Variants in ZFAT observed in about 807,000 individuals in gnomAD.
ZFAT encodes zinc finger and AT-hook domain containing.
A neutral mutation model predicts 117.7 loss-of-function variants in ZFAT; 64 were observed. The observed-to-expected ratio is 0.54, with a 90% CI of 0.44 to 0.67. The LOEUF (loss-of-function observed/expected upper bound fraction) is 0.67. Among genes scored for constraint, ZFAT ranks in the 30% least tolerant of loss-of-function variants. The probability of loss-of-function intolerance (pLI) is 0.00; values close to 1 mark genes in which losing one functional copy is unlikely to be tolerated. For synonymous variants in ZFAT, 679 were observed against 615.0 expected, an observed-to-expected ratio of 1.10 and a Z score of -1.54; for missense variants, 1,433 against 1,584.5, an observed-to-expected ratio of 0.90 and a Z score of 1.62.
At chr8:134,723,075 A>T in the ZFAT span, 1 of 152,250 alleles carries the variant, frequency 6.6e-6, no homozygotes, top group Non-Finnish European at 1.5e-5. Flanking sequence ...AATGGTGAGG[A>T]CATAAATTCC....
intron 15 of ZFAT, among the ~76,000 whole-genome samples, chr8:134,505,416 A>G (rs542183654): frequency 6.6e-6 from 1 of 152,354 alleles, no homozygotes; most frequent in South Asian, 2.1e-4. Flanking sequence ...AAAGCTGTCC[A>G]TGTCCTCATC....
At chr8:134,654,912 G>A (rs1831498139) in intron 2 of ZFAT, among the ~76,000 whole-genome samples, 2 of 152,220 alleles carry the variant, frequency 1.3e-5, no homozygotes, top group South Asian at 4.1e-4. Context: ...AGACAGAACT[G>A]AAACAAGTCT....
intron 1 of ZFAT, among the ~76,000 whole-genome samples, chr8:134,672,533 G>T (rs1043342514): frequency 3.9e-5 from 6 of 152,030 alleles, no homozygotes; most frequent in Non-Finnish European, 7.3e-5. Flanking sequence ...TTGTGCACAT[G>T]TACCCTAGAA....
chr8:134,503,338 T>C (rs1182034738), intron 15 of ZFAT, among the ~76,000 whole-genome samples: 9 of 152,234 alleles, frequency 5.9e-5, no homozygotes, highest in Non-Finnish European at 1.3e-4. Context: ...TGGATGTGTT[T>C]TCTGGAAGCT....
At chr8:134,594,822 G>T (rs1376011888) in intron 7 of ZFAT, 1 of 152,180 alleles carries the variant, frequency 6.6e-6, no homozygotes. Context: ...CCCAAGCTCA[G>T]ACTGTAACTG....
At chr8:134,555,933 C>T (rs1017956447) in intron 11 of ZFAT, among the ~76,000 whole-genome samples, 2 of 139,720 alleles carry the variant, frequency 1.4e-5, no homozygotes, top group African/African-American at 5.2e-5. Context: ...AGCCCAGGAG[C>T]TCAAGCAAGA....
intron 1 of ZFAT, among the ~76,000 whole-genome samples, chr8:134,682,006 G>T (rs1563759036): frequency 6.6e-6 from 1 of 152,094 alleles, no homozygotes; most frequent in Non-Finnish European, 1.5e-5. Context: ...CTTTTAATCA[G>T]CTGTGAATAA....
chr8:134,606,748 AG>A (rs2130952257), intron 5 of ZFAT, among the ~76,000 whole-genome samples: 1 of 151,696 alleles, frequency 6.6e-6, no homozygotes, highest in South Asian at 2.1e-4. Flanking sequence ...AAAAAAAAAA[AG>A]TTTTAAAAAG....
chr8:134,623,768 C>T (rs1237246342), intron 3 of ZFAT, among the ~76,000 whole-genome samples: 1 of 152,064 alleles, frequency 6.6e-6, no homozygotes, highest in Non-Finnish European at 1.5e-5. Flanking sequence ...TCCTCTCCTC[C>T]CCTCTTCTCC....
chr8:134,721,996 C>T, the ZFAT span, among the ~76,000 whole-genome samples: 1 of 152,338 alleles, frequency 6.6e-6, no homozygotes, highest in Non-Finnish European at 1.5e-5. Flanking sequence ...TTCATTCATT[C>T]CTTAAGCATT....
the ZFAT span, among the ~76,000 whole-genome samples, chr8:134,832,274 G>GT: frequency 6.6e-6 from 1 of 151,808 alleles, no homozygotes; most frequent in African/African-American, 2.4e-5. Flanking sequence ...CTCGCCTTTA[G>GT]TTTGACCTTT....
At chr8:134,801,969 T>A in the ZFAT span, among the ~76,000 whole-genome samples, 14 of 152,212 alleles carry the variant, frequency 9.2e-5, no homozygotes, top group African/African-American at 3.4e-4. Context: ...CCAGACCTAC[T>A]GAATCAGAAA....
At chr8:134,646,977 G>T (rs894873428) in intron 2 of ZFAT, among the ~76,000 whole-genome samples, 1 of 152,106 alleles carries the variant, frequency 6.6e-6, no homozygotes, top group Non-Finnish European at 1.5e-5. Flanking sequence ...ATTTAAAAAG[G>T]AATTAATTCC....
chr8:134,538,572 C>A (rs1822012557), intron 11 of ZFAT, among the ~76,000 whole-genome samples: 1 of 152,036 alleles, frequency 6.6e-6, no homozygotes, highest in Non-Finnish European at 1.5e-5. Flanking sequence ...CTGAGGCGGG[C>A]AGATCACTTA....
chr8:134,722,974 A>C, the ZFAT span: 1 of 152,242 alleles, frequency 6.6e-6, no homozygotes, highest in Non-Finnish European at 1.5e-5. Context: ...CACAGAGAAA[A>C]GGTGGCCATC....
chr8:134,815,051 C>T, the ZFAT span, among the ~76,000 whole-genome samples: 1 of 152,148 alleles, frequency 6.6e-6, no homozygotes, highest in Admixed American at 6.5e-5. Context: ...TCTTAAGGTC[C>T]ATTCAGCTAA....
chr8:134,561,058 ACC>A (rs1484253991), intron 11 of ZFAT, among the ~76,000 whole-genome samples: 4 of 152,348 alleles, frequency 2.6e-5, no homozygotes, highest in Non-Finnish European at 1.5e-5. Flanking sequence ...GATGGGCTTC[ACC>A]CAACGTTTTA....
chr8:134,762,011 T>C, the ZFAT span, among the ~76,000 whole-genome samples: 5 of 150,136 alleles, frequency 3.3e-5, no homozygotes, highest in South Asian at 2.1e-4. Flanking sequence ...TGTGTGTGTG[T>C]GCAAATGTGT....
At position 134,530,113 on chromosome 8, in the gene ZFAT, T is replaced by C. The variant is rs115346199; in HGVS notation, c.3115+2721A>G. On this transcript the variant is annotated intron_variant, in intron 12 of 15. Transcript: ENST00000377838. ...CTTTGCACATGTCACAGTGTGACACTGTTTAACACAGCTGATACACAAGGA... is the reference window on the plus strand; with the variant it reads ...CTTTGCACATGTCACAGTGTGACACCGTTTAACACAGCTGATACACAAGGA... Among the ~76,000 whole-genome samples the C allele has an allele frequency of 9.8e-4, 150 of 152,350 alleles. 1 individual carries two copies. Among genetic ancestry groups the C allele is most frequent in the African/African-American group, 3.5e-3 (146 of 41,588 alleles).
Sources: allele counts gnomAD v4.1 joint callset (sites outside exome capture counted in the v4.1 genomes callset), GRCh38; gene constraint gnomAD v4.1.1; transcripts MANE v1.5; gene names NCBI Gene and HGNC (gene_info 2026-07-23, HGNC 2026-07-21).